Variants in CRADD observed in about 807,000 individuals in gnomAD.
The protein encoded by CRADD is CARD and death domain containing adaptor protein.
Under a neutral mutation model 15.5 loss-of-function variants are expected in CRADD, and 9 were observed. The ratio of observed to expected loss-of-function variants is 0.58; its 90% CI spans 0.35 to 1.01. CRADD has a LOEUF of 1.01. Among genes scored for constraint, CRADD ranks in the 50% least tolerant of loss-of-function variants. The pLI is 0.02. For synonymous variants in CRADD, 118 were observed against 107.6 expected (o/e 1.10, Z -0.60); for missense variants, 227 against 250.3 (o/e 0.91, Z 0.63).
At chr12:93,773,482 G>A (rs1402802069) in intron 2 of CRADD, among the ~76,000 whole-genome samples, 5 of 152,158 alleles carry the variant, frequency 3.3e-5, no homozygotes, top group African/African-American at 1.2e-4. Context: ...CCACCACATG[G>A]AACGGTAAGT....
intron 2 of CRADD, among the ~76,000 whole-genome samples, chr12:93,891,008 C>A (rs1482477378): frequency 1.3e-5 from 2 of 151,820 alleles, no homozygotes; most frequent in Non-Finnish European, 2.9e-5. Flanking sequence ...CTCAGCCTCC[C>A]AAAGTGCTGG....
chr12:93,806,471 A>AAAAAAAG (rs1957540185), intron 2 of CRADD, among the ~76,000 whole-genome samples: 2 of 91,674 alleles, frequency 2.2e-5, no homozygotes, highest in South Asian at 9.7e-4. Context: ...AAAAAAAAAA[A>AAAAAAAG]ACAAAAAAAA....
At chr12:93,726,292 T>C (rs1440988898) in intron 2 of CRADD, among the ~76,000 whole-genome samples, 1 of 151,910 alleles carries the variant, frequency 6.6e-6, no homozygotes, top group African/African-American at 2.4e-5. Context: ...TGATTAGAGA[T>C]GGAGTTTCAC....
At chr12:93,853,563 T>G (rs1958246078), downstream of CRADD, among the ~76,000 whole-genome samples, 1 of 152,214 alleles carries the variant, frequency 6.6e-6, no homozygotes, top group Non-Finnish European at 1.5e-5. Flanking sequence ...TTTGGAACCA[T>G]GTTCCAAGCA....
intron 2 of CRADD, among the ~76,000 whole-genome samples, chr12:93,871,898 ATG>A (rs1958423578): frequency 6.6e-6 from 1 of 152,142 alleles, no homozygotes; most frequent in African/African-American, 2.4e-5. Context: ...TCTTTGATGT[ATG>A]GATTTTCTTT....
chr12:93,816,767 A>G (rs1251939123), intron 2 of CRADD, among the ~76,000 whole-genome samples: 1 of 152,170 alleles, frequency 6.6e-6, no homozygotes, highest in Non-Finnish European at 1.5e-5. Flanking sequence ...ATCCCTGTAG[A>G]ATGACAATGG....
chr12:93,725,919 T>G (rs1360315660), intron 2 of CRADD, among the ~76,000 whole-genome samples: 1 of 152,090 alleles, frequency 6.6e-6, no homozygotes, highest in Non-Finnish European at 1.5e-5. Flanking sequence ...CTCAGACACA[T>G]GAACTTTTCC....
intron 2 of CRADD, among the ~76,000 whole-genome samples, chr12:93,756,154 T>C (rs1409417450): frequency 1.3e-5 from 2 of 152,234 alleles, no homozygotes; most frequent in Non-Finnish European, 2.9e-5. Flanking sequence ...AAAATTTATT[T>C]ATGTTCATTA....
intron 2 of CRADD, among the ~76,000 whole-genome samples, chr12:93,725,053 G>T (rs1290122433): frequency 6.6e-6 from 1 of 151,966 alleles, no homozygotes; most frequent in East Asian, 1.9e-4. Flanking sequence ...GTAGAGGCGG[G>T]GTTTCATCGT....
chr12:93,881,445 G>A (rs981585587), intron 2 of CRADD, among the ~76,000 whole-genome samples: 3 of 140,662 alleles, frequency 2.1e-5, no homozygotes, highest in South Asian at 2.5e-4. Context: ...AGTGTGGGGG[G>A]GGGGTGGGGA....
chr12:93,858,689 A>T (rs931265738), intron 2 of CRADD, among the ~76,000 whole-genome samples: 1 of 152,194 alleles, frequency 6.6e-6, no homozygotes, highest in Admixed American at 6.5e-5. Context: ...AAGATGGGTC[A>T]TAGAAACTAG....
At chr12:93,864,450 G>C (rs11107224) in intron 2 of CRADD, among the ~76,000 whole-genome samples, 52,565 of 151,970 alleles carry the variant, frequency 0.35, 10,704 homozygotes, top group Middle Eastern at 0.47. Context: ...TCCTTAGCAT[G>C]AGCCATATAA....
At chr12:93,871,533 A>G (rs1172979655) in intron 2 of CRADD, among the ~76,000 whole-genome samples, 2 of 152,130 alleles carry the variant, frequency 1.3e-5, no homozygotes, top group African/African-American at 4.8e-5. Flanking sequence ...TTTTGTGTCC[A>G]TTAACTATCC....
At chr12:93,753,838 T>C (rs1226132941) in intron 2 of CRADD, among the ~76,000 whole-genome samples, 1 of 152,220 alleles carries the variant, frequency 6.6e-6, no homozygotes, top group Non-Finnish European at 1.5e-5. Context: ...CTATGGCTTT[T>C]CCAGGTGCAT....
chr12:93,704,082 A>C (rs902560543), intron 2 of CRADD, among the ~76,000 whole-genome samples: 17 of 149,116 alleles, frequency 1.1e-4, no homozygotes, highest in Non-Finnish European at 2.5e-4. Flanking sequence ...TGGCCTCCCA[A>C]AGTGCTGGAA....
intron 2 of CRADD, among the ~76,000 whole-genome samples, chr12:93,872,679 A>G (rs1958431198): frequency 6.6e-6 from 1 of 151,918 alleles, no homozygotes; most frequent in East Asian, 1.9e-4. Flanking sequence ...TCCCCAGTGT[A>G]TATTCTTGGC....
intron 2 of CRADD, among the ~76,000 whole-genome samples, chr12:93,763,149 A>G (rs1956987713): frequency 6.6e-6 from 1 of 152,270 alleles, no homozygotes; most frequent in African/African-American, 2.4e-5. Flanking sequence ...ACTCAGGCTA[A>G]GTTAGCCTGT....
At chr12:93,745,186 G>A (rs1240381433) in intron 2 of CRADD, among the ~76,000 whole-genome samples, 1 of 152,036 alleles carries the variant, frequency 6.6e-6, no homozygotes, top group Non-Finnish European at 1.5e-5. Flanking sequence ...TTGCTTATAC[G>A]TCCAAATTTA....
Position 93,824,719 on chromosome 12 carries a change from T to C in CRADD, c.299-25251T>C, listed in dbSNP as rs1225738550. Among the ~76,000 whole-genome samples, 3 of 152,132 alleles carry C rather than the reference T, an allele frequency of 2.0e-5. No homozygotes were observed. The highest frequency in any genetic ancestry group is 4.8e-5 in the African/African-American group (2 of 41,416). On this transcript the variant is annotated intron_variant, in intron 2 of 2. Transcript: ENST00000332896. The surrounding 1 kb of genome is among the most constrained non-coding windows in gnomAD (Gnocchi z 4.3). ...AGCCAGTCACTCTTAGAAGTGATAA[T>C]GTTTATTTACCAGAACTTTAAATGC... is the stretch of plus-strand genomic sequence containing the variant.
Sources: allele counts gnomAD v4.1 joint callset (sites outside exome capture counted in the v4.1 genomes callset), GRCh38; gene constraint gnomAD v4.1.1; non-coding constraint Gnocchi (gnomAD v3.1); transcripts MANE v1.5; gene names NCBI Gene and HGNC (gene_info 2026-07-23, HGNC 2026-07-21).